NFATC2: variants seen among roughly 807,000 people sequenced by gnomAD.
The protein encoded by NFATC2 is nuclear factor of activated T cells 2.
NFATC2 carries 22 observed loss-of-function variants against 87.3 expected under a neutral mutation model. The ratio of observed to expected loss-of-function variants is 0.25; its 90% CI spans 0.18 to 0.36. The LOEUF (loss-of-function observed/expected upper bound fraction) is 0.36, where lower values mean the gene tolerates loss of function less well. Among genes scored for constraint, NFATC2 ranks in the 10% least tolerant of loss-of-function variants. The pLI, the probability that NFATC2 is intolerant of heterozygous loss-of-function variation, is 1.00. For missense variants in NFATC2, 1,149 were observed against 1,259.1 expected, an observed-to-expected ratio of 0.91 and a Z score of 1.32; for synonymous variants, 565 against 542.2, an observed-to-expected ratio of 1.04 and a Z score of -0.58.
At chr20:51,460,190 TAGCCCTACAGCAA>T (rs1188672400) in intron 5 of NFATC2, among the ~76,000 whole-genome samples, 2 of 152,194 alleles carry the variant, frequency 1.3e-5, no homozygotes, top group East Asian at 3.8e-4. Flanking sequence ...CCTTAAATCA[TAGCCCTACAGCAA>T]GGAAGACACT....
intron 2 of NFATC2, among the ~76,000 whole-genome samples, chr20:51,521,577 T>A (rs2076446060): frequency 6.6e-6 from 1 of 152,214 alleles, no homozygotes. Flanking sequence ...CACCTCGGCC[T>A]CCCAAAGTGC....
chr20:51,505,971 C>T (rs952488028), intron 3 of NFATC2, among the ~76,000 whole-genome samples: 9 of 152,176 alleles, frequency 5.9e-5, no homozygotes, highest in Non-Finnish European at 1.2e-4. Context: ...ATATCTTGAG[C>T]TCTCATCGCA....
intron 1 of NFATC2, among the ~76,000 whole-genome samples, chr20:51,537,104 T>C (rs1458153101): frequency 6.6e-6 from 1 of 151,982 alleles, no homozygotes; most frequent in Admixed American, 6.5e-5. Context: ...TTGTGCCCTG[T>C]GAATGGGTCG....
At chr20:51,483,992 C>T (rs1440529853) in intron 3 of NFATC2, among the ~76,000 whole-genome samples, 1 of 151,986 alleles carries the variant, frequency 6.6e-6, no homozygotes, top group African/African-American at 2.4e-5. Flanking sequence ...GCTAAAATCG[C>T]CCCAACAGCA....
At chr20:51,433,912 C>T (rs1983173905) in intron 8 of NFATC2, among the ~76,000 whole-genome samples, 1 of 152,042 alleles carries the variant, frequency 6.6e-6, no homozygotes, top group Admixed American at 6.6e-5. Context: ...CTCCCTGGCC[C>T]AACTGGGAGA....
In NFATC2 at chr20:51,413,867, TAC is replaced by T. The variant is rs530769616; in HGVS notation, c.2723-15139_2723-15138del. ...GACCAGTTACTTAACCTCCCTGGGC[TAC>T]AGTTTCCTCATCTATAAAATGCCTC... On this transcript the variant is annotated intron_variant, in intron 9 of 10. Coordinates refer to ENST00000371564, the MANE Select transcript of NFATC2 (RefSeq NM_012340.5). 4.3e-4 allele frequency among the ~76,000 whole-genome samples: 66 copies of T among 152,358 alleles called. 1 individual carries two copies. In the South Asian group the frequency reaches 0.013, roughly 31 times the overall value.
chr20:51,398,774 AT>A, intron 9 of NFATC2, 44 bp from the exon 10 acceptor site: 3 of 1,159,168 alleles, frequency 2.6e-6, no homozygotes, highest in Non-Finnish European at 3.8e-6. Flanking sequence ...AAAAAAAAAA[AT>A]CACCTTTGAT....
At position 51,404,209 on chromosome 20, in the gene NFATC2, G is replaced by A. The variant is rs561948211; in HGVS notation, c.2723-5479C>T. 2.4e-4 allele frequency among the ~76,000 whole-genome samples: 37 copies of A among 152,292 alleles called. No homozygotes were observed. The South Asian group carries it at 6.4e-3, about 26-fold the overall frequency. ...TCCTCCCTTTCTCAGCTGTCCTGGC[G>A]AGGGGCTCACACCCTGGGGTCAGAG... On this transcript the variant is annotated intron_variant, in intron 9 of 10. Coordinates refer to ENST00000371564, the MANE Select transcript of NFATC2 (RefSeq NM_012340.5).
rs71192527 is a variant in NFATC2, at chr20:51,423,291, C to CAAAAAA, written c.2722+8770_2722+8775dup. The stretch of plus-strand genomic sequence containing the variant: ...GGTGACAGAGTGAGAGACCCTCTCT[C>CAAAAAA]AAAAAAAAAAAAAAAAAAAAAAAAG... On this transcript the variant is annotated intron_variant, in intron 9 of 10. Transcript: ENST00000371564. Among the ~76,000 whole-genome samples, 24 of 62,848 alleles carry CAAAAAA rather than the reference C, an allele frequency of 3.8e-4. 1 individual carries two copies. Among genetic ancestry groups the CAAAAAA allele is most frequent in the African/African-American group, 1.7e-3 (23 of 13,544 alleles). 41.2% of individuals were successfully genotyped at this position (62,848 alleles called of 152,430 possible). A position where few individuals can be genotyped will look rare whatever the true frequency, so the allele number is the denominator to read the frequency against.
intron 6 of NFATC2, among the ~76,000 whole-genome samples, chr20:51,440,627 T>C (rs931258115): frequency 6.6e-6 from 1 of 152,162 alleles, no homozygotes; most frequent in Non-Finnish European, 1.5e-5. Flanking sequence ...CAAGGGTCCA[T>C]CTTCTTTCTT....
Position 51,523,129 on chromosome 20 carries a change from A to G in NFATC2, c.1112T>C (p.Val371Ala), listed in dbSNP as rs1297471947. 1 of 1,614,124 alleles carries G rather than the reference A, an allele frequency of 6.2e-7. No homozygotes were observed. The highest frequency in any genetic ancestry group is 1.3e-5 in the African/African-American group (1 of 74,954). Residue 371 changes from valine (V) to alanine (A), a missense_variant, in exon 2 of 11, where the codon GTT (valine) becomes GCT (alanine). Physicochemically the swap from Val to Ala is moderately conservative, Grantham distance 64 (BLOSUM62 0). Coordinates refer to ENST00000371564, the MANE Select transcript of NFATC2 (RefSeq NM_012340.5). This position sits in a 1 kb window ranked among gnomAD's most constrained non-coding sequence, Gnocchi z 6.9. ...RNSAPESILL[V>A]PPTWPKPLVP... ...CAGCGGCTTGGGCCAAGTGGGCGGA[A>G]CCAGCAGGATGGATTCTGGAGCCGA... is the stretch of plus-strand genomic sequence containing the variant.
Position 51,473,143 on chromosome 20 carries a change from G to A in NFATC2, c.1708+837C>T, listed in dbSNP as rs140771575. Among the ~76,000 whole-genome samples, 591 of 152,294 alleles carry A rather than the reference G, an allele frequency of 3.9e-3. 5 individuals are homozygous for A. Among genetic ancestry groups the A allele is most frequent in the African/African-American group, 0.013 (549 of 41,558 alleles). ...CTGCTCAGTGTCCTTCCAAATGGCA[G>A]ATCCTGGTCACTTCGTATCAGACTC... is the stretch of plus-strand genomic sequence containing the variant. On this transcript the variant is annotated intron_variant, in intron 5 of 10. Coordinates refer to ENST00000371564, the MANE Select transcript of NFATC2 (RefSeq NM_012340.5).
At chr20:51,447,291 C>T (rs1345260839) in intron 6 of NFATC2, among the ~76,000 whole-genome samples, 5 of 152,062 alleles carry the variant, frequency 3.3e-5, no homozygotes, top group African/African-American at 9.7e-5. Context: ...GCCATCAGAC[C>T]GTTCCAAGAA....
intron 6 of NFATC2, among the ~76,000 whole-genome samples, chr20:51,449,282 G>A (rs1240525159): frequency 1.3e-5 from 2 of 152,122 alleles, no homozygotes; most frequent in African/African-American, 4.8e-5. Context: ...CCTGCAGAAG[G>A]CGTCCCGGGC....
intron 6 of NFATC2, among the ~76,000 whole-genome samples, chr20:51,436,048 A>G (rs1983515664): frequency 6.6e-6 from 1 of 152,220 alleles, no homozygotes; most frequent in Non-Finnish European, 1.5e-5. Context: ...AGTGGGAGCT[A>G]AGCATGGGGT....
chr20:51,502,506 GT>G (rs111610247), intron 3 of NFATC2, among the ~76,000 whole-genome samples: 2,458 of 151,904 alleles, frequency 0.016, 31 homozygotes, highest in Middle Eastern at 0.027. Flanking sequence ...TTGTTTTTGT[GT>G]TTTTTTTGGT....
chr20:51,481,312 C>A (rs977063140), intron 3 of NFATC2, among the ~76,000 whole-genome samples: 130 of 151,954 alleles, frequency 8.6e-4, no homozygotes, highest in Non-Finnish European at 1.6e-4. Context: ...TCCCCATTTT[C>A]GGGAGACCTC....
At chr20:51,449,381 C>T (rs889317429) in intron 6 of NFATC2, among the ~76,000 whole-genome samples, 6 of 152,094 alleles carry the variant, frequency 3.9e-5, no homozygotes, top group African/African-American at 1.4e-4. Context: ...AGCCAGACAT[C>T]CCCCGCAGAG....
Position 51,525,592 on chromosome 20 carries a change from G to A in NFATC2, c.131-1482C>T, listed in dbSNP as rs114324396. Among the ~76,000 whole-genome samples, 688 of 72,804 alleles carry A rather than the reference G, an allele frequency of 9.5e-3. 7 individuals carry two copies. Among genetic ancestry groups the A allele is most frequent in the African/African-American group, 0.034 (649 of 18,878 alleles). 47.8% of individuals were successfully genotyped at this position (72,804 alleles called of 152,430 possible). Reference sequence around the variant, plus strand: ...CATCAGAGGCTCCTCCAACCTCCCCGCCAGCTCATGGGGCGGCCTGGACTC... The same window carrying A: ...CATCAGAGGCTCCTCCAACCTCCCCACCAGCTCATGGGGCGGCCTGGACTC... On this transcript the variant is annotated intron_variant, in intron 1 of 10. Coordinates refer to ENST00000371564, the MANE Select transcript of NFATC2 (RefSeq NM_012340.5).
Sources: gnomAD v4.1 joint callset for allele counts (sites outside exome capture counted in the v4.1 genomes callset) on GRCh38, gnomAD v4.1.1 for gene constraint, Gnocchi (gnomAD v3.1) non-coding constraint, MANE v1.5 for transcripts, NCBI Gene and HGNC (gene_info 2026-07-23, HGNC 2026-07-21) for gene names.